The following INPP4B variants were observed in gnomAD, a reference collection of about 807,000 sequenced individuals.
The protein encoded by INPP4B is inositol polyphosphate 4-phosphatase type II.
A neutral mutation model predicts 122.5 loss-of-function variants in INPP4B; 55 were observed. That is an observed-to-expected ratio of 0.45 (90% CI 0.36 to 0.56). The LOEUF (loss-of-function observed/expected upper bound fraction) is 0.56, where lower values mean the gene tolerates loss of function less well. INPP4B is among the 20% of genes least tolerant of loss of function. The probability of loss-of-function intolerance (pLI) is 0.00; values close to 1 mark genes in which losing one functional copy is unlikely to be tolerated. For missense variants in INPP4B, 1,000 were observed against 1,097.7 expected (o/e 0.91, Z 1.26); for synonymous variants, 403 against 388.7 (o/e 1.04, Z -0.43).
At chr4:142,531,417 G>C (rs951497575) in intron 2 of INPP4B, among the ~76,000 whole-genome samples, 2 of 152,098 alleles carry the variant, frequency 1.3e-5, no homozygotes, top group Non-Finnish European at 2.9e-5. Context: ...GGAAGTGTTA[G>C]ATATCAGTCA....
chr4:142,595,128 A>C (rs540143831), intron 2 of INPP4B, among the ~76,000 whole-genome samples: 1 of 151,918 alleles, frequency 6.6e-6, no homozygotes, highest in Non-Finnish European at 1.5e-5. Flanking sequence ...TATTTACGTA[A>C]GTTTTCTGTA....
intron 14 of INPP4B, among the ~76,000 whole-genome samples, chr4:142,204,407 C>T (rs1246492092): frequency 6.6e-6 from 1 of 152,040 alleles, no homozygotes; most frequent in Non-Finnish European, 1.5e-5. Context: ...AGTCTTTCTG[C>T]TAACTGCTTT....
chr4:142,429,110 T>C lies in INPP4B; in HGVS notation c.136+63A>G, dbSNP rs1392699410. On this transcript the variant is annotated intron_variant, in intron 5 of 25. Coordinates refer to ENST00000262992, the MANE Select transcript of INPP4B (RefSeq NM_001101669.3). ...TGTACTGATGTAAGCAATCTACCTA[T>C]ACTTTGCAAACTACTACACAAATTC... 5 of 876,426 alleles carry C rather than the reference T, an allele frequency of 5.7e-6. No homozygotes were observed. The East Asian group carries it at 1.1e-4, about 18-fold the overall frequency. 54.3% of individuals were successfully genotyped at this position (876,426 alleles called of 1,614,324 possible). A position where few individuals can be genotyped will look rare whatever the true frequency, so the allele number is the denominator to read the frequency against.
intron 24 of INPP4B, among the ~76,000 whole-genome samples, chr4:142,084,507 A>G (rs1011947449): frequency 2.6e-5 from 4 of 152,238 alleles, no homozygotes; most frequent in African/African-American, 9.6e-5. Flanking sequence ...ATAAAATAAA[A>G]ACAAATATTA....
chr4:142,656,250 C>T (rs1483763727), intron 2 of INPP4B, among the ~76,000 whole-genome samples: 3 of 152,192 alleles, frequency 2.0e-5, no homozygotes, highest in African/African-American at 7.2e-5. Context: ...CTGTTTTGCT[C>T]ACCCTTTAAA....
intron 1 of INPP4B, among the ~76,000 whole-genome samples, chr4:142,784,364 A>AAAATAAAT (rs3080884): frequency 0.028 from 3,862 of 137,738 alleles, 64 homozygotes; most frequent in South Asian, 0.033. Context: ...CTCTGTCTCA[A>AAAATAAAT]AAATAAATAA....
chr4:142,557,883 C>T (rs1346284821), intron 2 of INPP4B, among the ~76,000 whole-genome samples: 2 of 152,270 alleles, frequency 1.3e-5, no homozygotes, highest in Middle Eastern at 3.4e-3. Context: ...TCACCTATTA[C>T]CCCTTCTACG....
At chr4:142,793,313 A>G (rs1776804250) in intron 1 of INPP4B, among the ~76,000 whole-genome samples, 1 of 151,528 alleles carries the variant, frequency 6.6e-6, no homozygotes, top group Non-Finnish European at 1.5e-5. Flanking sequence ...TGACTTGTCC[A>G]TTCTTGTATC....
intron 11 of INPP4B, among the ~76,000 whole-genome samples, chr4:142,257,344 G>A (rs1312607347): frequency 2.0e-5 from 3 of 152,136 alleles, no homozygotes; most frequent in African/African-American, 7.2e-5. Flanking sequence ...AGTGTTGGAA[G>A]TTCTGGCCAG....
intron 9 of INPP4B, among the ~76,000 whole-genome samples, chr4:142,300,371 G>T (rs1480435959): frequency 6.6e-6 from 1 of 152,016 alleles, no homozygotes; most frequent in Admixed American, 6.6e-5. Context: ...AAAAATATGT[G>T]GAATTTTGTT....
intron 2 of INPP4B, among the ~76,000 whole-genome samples, chr4:142,553,140 A>G (rs1376854769): frequency 6.6e-6 from 1 of 151,806 alleles, no homozygotes; most frequent in Non-Finnish European, 1.5e-5. Context: ...TTTTTTTAGT[A>G]CTATATTCCC....
At chr4:142,710,118 A>ATC (rs1237231228) in intron 2 of INPP4B, among the ~76,000 whole-genome samples, 1 of 152,200 alleles carries the variant, frequency 6.6e-6, no homozygotes, top group Non-Finnish European at 1.5e-5. Context: ...TAGGCCATGG[A>ATC]TCTCCATCTC....
chr4:142,709,920 G>A (rs1440531913), intron 2 of INPP4B, among the ~76,000 whole-genome samples: 3 of 152,130 alleles, frequency 2.0e-5, no homozygotes, highest in Non-Finnish European at 2.9e-5. Context: ...TACAGCCCAG[G>A]AGGAAATAAT....
chr4:142,057,855 T>C lies in INPP4B; in HGVS notation c.2642+24176A>G, dbSNP rs376059642. Among the ~76,000 whole-genome samples the C allele has an allele frequency of 2.6e-4, 39 of 152,264 alleles. 1 individual carries two copies. Among genetic ancestry groups the C allele is most frequent in the African/African-American group, 7.7e-4 (32 of 41,556 alleles). ...AATTTTATCTATCTATATAGCTATA[T>C]CTACTATTCCTTAAGACCCAACTCA... On this transcript the variant is annotated intron_variant, in intron 25 of 25. Coordinates refer to ENST00000262992, the MANE Select transcript of INPP4B (RefSeq NM_001101669.3).
chr4:142,191,276 A>T (rs1244334485), intron 15 of INPP4B, among the ~76,000 whole-genome samples: 3 of 152,162 alleles, frequency 2.0e-5, no homozygotes, highest in Non-Finnish European at 4.4e-5. Flanking sequence ...GGTGCCACAG[A>T]ATTTCTCAAT....
In INPP4B at chr4:142,361,113, C is replaced by T. The variant is rs142959733; in HGVS notation, c.372+41825G>A. On this transcript the variant is annotated intron_variant, in intron 7 of 25. Transcript: ENST00000262992. ...TTTTCTCCATTCCACTGCCAATACACCAGTCCACCCACCATCATCTGTTCT... is the reference window on the plus strand; with the variant it reads ...TTTTCTCCATTCCACTGCCAATACATCAGTCCACCCACCATCATCTGTTCT... Among the ~76,000 whole-genome samples the T allele has an allele frequency of 7.2e-5, 11 of 151,986 alleles. No individual in the cohort carries two copies. The East Asian group carries it at 1.9e-3, about 27-fold the overall frequency.
In INPP4B at chr4:142,646,184, A is replaced by G. The variant is rs771069009; in HGVS notation, c.-191+79655T>C. 1.4e-4 allele frequency among the ~76,000 whole-genome samples: 22 copies of G among 152,304 alleles called. No individual in the cohort carries two copies. In the East Asian group the frequency reaches 3.7e-3, roughly 25 times the overall value. On this transcript the variant is annotated intron_variant, in intron 2 of 25. Transcript: ENST00000262992. ...TGGATGGTATTTTTAATGTTGGTGCATTTTATTGTATGTAAATTATATCTC... is the reference window on the plus strand; with the variant it reads ...TGGATGGTATTTTTAATGTTGGTGCGTTTTATTGTATGTAAATTATATCTC...
intron 7 of INPP4B, among the ~76,000 whole-genome samples, chr4:142,369,232 A>G (rs1412661769): frequency 1.3e-5 from 2 of 152,142 alleles, no homozygotes; most frequent in Non-Finnish European, 2.9e-5. Context: ...ATAACTTCTG[A>G]GAGCCTCACC....
intron 1 of INPP4B, among the ~76,000 whole-genome samples, chr4:142,809,402 C>T (rs1462159622): frequency 6.6e-6 from 1 of 152,086 alleles, no homozygotes; most frequent in African/African-American, 2.4e-5. Context: ...TTTGAAAAAA[C>T]AAAGGCCTTC....
Sources: allele counts gnomAD v4.1 joint callset (sites outside exome capture counted in the v4.1 genomes callset), GRCh38; gene constraint gnomAD v4.1.1; transcripts MANE v1.5; gene names NCBI Gene and HGNC (gene_info 2026-07-23, HGNC 2026-07-21).